BMP3: variants seen among roughly 807,000 people sequenced by gnomAD.
BMP3 encodes bone morphogenetic protein 3.
Under a neutral mutation model 38.1 loss-of-function variants are expected in BMP3, and 23 were observed. The ratio of observed to expected loss-of-function variants is 0.60; its 90% CI spans 0.43 to 0.86. BMP3 has a LOEUF of 0.86. BMP3 is among the 40% of genes least tolerant of loss of function. BMP3 has a pLI of 0.00. For synonymous variants in BMP3, 258 were observed against 225.7 expected (o/e 1.14, Z -1.28); for missense variants, 628 against 579.6 (o/e 1.08, Z -0.86).
chr4:81,054,626 A>G lies in BMP3; in HGVS notation c.*1090A>G, dbSNP rs2109915331. 6.6e-6 allele frequency: 1 copy of G among 152,230 alleles called. No homozygotes were observed. The highest frequency in any genetic ancestry group is 1.5e-5 in the Non-Finnish European group (1 of 68,008). 9.4% of individuals were successfully genotyped at this position (152,230 alleles called of 1,614,324 possible). On this transcript the variant is annotated 3_prime_UTR_variant, in exon 3 of 3. Transcript: ENST00000282701. ...CTAAGTCAGGCACTTTTTCACATAG[A>G]TCAGGGCTTTTGGCTCAGTCACGAA...
intron 2 of BMP3, among the ~76,000 whole-genome samples, chr4:81,049,298 C>T (rs1740343524): frequency 6.6e-6 from 1 of 152,180 alleles, no homozygotes; most frequent in Non-Finnish European, 1.5e-5. Flanking sequence ...CTAAATGTTT[C>T]TAGTCCCTTT....
intron 1 of BMP3, among the ~76,000 whole-genome samples, chr4:81,032,154 T>C (rs535667487): frequency 7.5e-6 from 1 of 132,518 alleles, no homozygotes; most frequent in South Asian, 2.5e-4. Flanking sequence ...TTTGTGTTAC[T>C]GTACTATATT....
intron 1 of BMP3, among the ~76,000 whole-genome samples, chr4:81,041,881 C>T (rs541568055): frequency 3.3e-5 from 5 of 152,124 alleles, no homozygotes; most frequent in Middle Eastern, 3.2e-3. Context: ...AAGTTAATGG[C>T]TCCCAATTCT....
In BMP3 at chr4:81,031,614, G is replaced by T; in HGVS notation, c.316+14G>T. ...CGGCAGCAGCAGGTGAGTGCGCGAG[G>T]TGAGACTCCCTTCCCGCGGTCCCGC... On this transcript the variant is annotated intron_variant, in intron 1 of 2. Transcript: ENST00000282701. 6.4e-7 allele frequency: 1 copy of T among 1,565,454 alleles called. No homozygotes were observed.
At chr4:81,036,895 G>T (rs1739938638) in intron 1 of BMP3, among the ~76,000 whole-genome samples, 2 of 151,970 alleles carry the variant, frequency 1.3e-5, no homozygotes, top group African/African-American at 4.8e-5. Context: ...ATACTTTAAA[G>T]GCATGAATTC....
chr4:81,045,167 T>C (rs1277560367), intron 1 of BMP3, among the ~76,000 whole-genome samples: 1 of 152,172 alleles, frequency 6.6e-6, no homozygotes, highest in Non-Finnish European at 1.5e-5. Flanking sequence ...GTGTATCAAG[T>C]AGTACTTCAC....
chr4:81,045,391 T>A (rs1740201726), intron 1 of BMP3, among the ~76,000 whole-genome samples: 2 of 152,226 alleles, frequency 1.3e-5, no homozygotes, highest in South Asian at 2.1e-4. Flanking sequence ...AATTATTTTA[T>A]CTTATTATGG....
At position 81,057,557 on chromosome 4, in the gene BMP3, T is replaced by A. The variant is rs6857871; in HGVS notation, c.*4021T>A. The A allele has an allele frequency of 6.6e-6, 1 of 152,036 alleles. No individual in the cohort carries two copies. The highest frequency in any genetic ancestry group is 6.6e-5 in the Admixed American group (1 of 15,258). The allele number at this position is 152,036 out of a possible 1,614,324, so 9.4% of individuals were successfully genotyped here. On this transcript the variant is annotated 3_prime_UTR_variant, in exon 3 of 3. Coordinates refer to ENST00000282701, the MANE Select transcript of BMP3 (RefSeq NM_001201.5). ...CCATTCATTTTTACTTATTGGGAAA[T>A]ACTATATTTCCAGACATTTTCAAGT...
chr4:81,031,635 C>T, intron 1 of BMP3, 35 bp downstream of exon 1: 2 of 1,514,258 alleles, frequency 1.3e-6, no homozygotes, highest in Non-Finnish European at 8.8e-7. Context: ...TTCCCGCGGT[C>T]CCGCCCCAGC....
At chr4:81,041,718 T>A (rs377714533) in intron 1 of BMP3, among the ~76,000 whole-genome samples, 1 of 152,190 alleles carries the variant, frequency 6.6e-6, no homozygotes, top group Non-Finnish European at 1.5e-5. Context: ...TTGGCAACAT[T>A]TCTTTTGCAA....
intron 1 of BMP3, 115 bp from the exon 2 acceptor site, chr4:81,045,623 A>T (rs1405541709): frequency 1.1e-6 from 1 of 907,042 alleles, no homozygotes; most frequent in Non-Finnish European, 1.5e-6. Flanking sequence ...CTTTCCAAAA[A>T]TTTCATGGAT....
At chr4:81,042,885 AT>A (rs746636425) in intron 1 of BMP3, among the ~76,000 whole-genome samples, 1 of 152,194 alleles carries the variant, frequency 6.6e-6, no homozygotes, top group Non-Finnish European at 1.5e-5. Flanking sequence ...ACTGGTATGA[AT>A]TAAGGCTCAA....
At chr4:81,041,293 G>A (rs928705987) in intron 1 of BMP3, among the ~76,000 whole-genome samples, 1 of 152,128 alleles carries the variant, frequency 6.6e-6, no homozygotes, top group Non-Finnish European at 1.5e-5. Context: ...CATTGTAAAT[G>A]CTCAGCAACT....
At chr4:81,035,877 A>C (rs1392397920) in intron 1 of BMP3, among the ~76,000 whole-genome samples, 1 of 151,986 alleles carries the variant, frequency 6.6e-6, no homozygotes, top group African/African-American at 2.4e-5. Context: ...CTCCTGGAGA[A>C]AGCATTTTAC....
intron 2 of BMP3, among the ~76,000 whole-genome samples, chr4:81,052,818 A>G (rs1740431775): frequency 6.6e-6 from 1 of 152,194 alleles, no homozygotes; most frequent in African/African-American, 2.4e-5. Flanking sequence ...TTTAACAACA[A>G]TGCCTAAATA....
At chr4:81,048,260 A>G (rs1740314782) in intron 2 of BMP3, among the ~76,000 whole-genome samples, 1 of 152,232 alleles carries the variant, frequency 6.6e-6, no homozygotes, top group Non-Finnish European at 1.5e-5. Context: ...AAATGTAACA[A>G]GCAGTGATGA....
At chr4:81,032,075 C>A (rs1288798412) in intron 1 of BMP3, among the ~76,000 whole-genome samples, 1 of 151,756 alleles carries the variant, frequency 6.6e-6, no homozygotes, top group East Asian at 1.9e-4. Context: ...GAATAAGACG[C>A]CTTCCCCTCT....
chr4:81,034,678 C>T (rs1227701565), intron 1 of BMP3, among the ~76,000 whole-genome samples: 9 of 152,118 alleles, frequency 5.9e-5, no homozygotes, highest in African/African-American at 2.2e-4. Flanking sequence ...AAAAATCTCA[C>T]ATACTTCATA....
intron 1 of BMP3, among the ~76,000 whole-genome samples, chr4:81,035,846 C>T (rs1187856917): frequency 6.6e-6 from 1 of 151,816 alleles, no homozygotes; most frequent in Admixed American, 6.6e-5. Flanking sequence ...CTAATGAGTC[C>T]CCATAAAAGG....
Sources: allele counts gnomAD v4.1 joint callset (sites outside exome capture counted in the v4.1 genomes callset), GRCh38; gene constraint gnomAD v4.1.1; transcripts MANE v1.5; gene names NCBI Gene and HGNC (gene_info 2026-07-23, HGNC 2026-07-21).